The following LIPG variants were observed in gnomAD, a reference collection of about 807,000 sequenced individuals.
LIPG encodes the protein lipase G, endothelial type.
A neutral mutation model predicts 51.8 loss-of-function variants in LIPG; 34 were observed. That is an observed-to-expected ratio of 0.66 (90% CI 0.50 to 0.87). The LOEUF is 0.87. LIPG is among the 40% of genes least tolerant of loss of function. LIPG has a pLI of 0.00. For synonymous variants in LIPG, 246 were observed against 246.1 expected (o/e 1.00, Z 0.00); for missense variants, 580 against 652.7 (o/e 0.89, Z 1.21).
intron 5 of LIPG, among the ~76,000 whole-genome samples, chr18:49,578,875 G>A (rs2084766206): frequency 7.4e-6 from 1 of 134,806 alleles, no homozygotes; most frequent in Non-Finnish European, 1.6e-5. Context: ...AGTCAGGCGT[G>A]GTGGCGCGTG....
In LIPG at chr18:49,595,048, C is replaced by T. The variant is rs2084974737; in HGVS notation, c.*4526C>T. 6.6e-6 allele frequency: 1 copy of T among 152,214 alleles called. No individual in the cohort carries two copies. Among genetic ancestry groups the T allele is most frequent in the South Asian group, 2.1e-4 (1 of 4,834 alleles). The allele number at this position is 152,214 out of a possible 1,614,324, so 9.4% of individuals were successfully genotyped here. A position where few individuals can be genotyped will look rare whatever the true frequency, so the allele number is the denominator to read the frequency against. On this transcript the variant is annotated 3_prime_UTR_variant, in exon 10 of 10. Coordinates refer to ENST00000261292, the MANE Select transcript of LIPG (RefSeq NM_006033.4). ...CCAAACAAGCTGAAGCCCCAGACCC[C>T]TTGGAAGGATGGATACAAAGTAGGT...
intron 4 of LIPG, among the ~76,000 whole-genome samples, chr18:49,573,286 T>C (rs555075650): frequency 2.8e-4 from 42 of 152,340 alleles, no homozygotes; most frequent in Non-Finnish European, 4.4e-4. Flanking sequence ...CTGCGGTCCT[T>C]GCGGCCTCTG....
At chr18:49,578,636 G>A (rs1287325272) in intron 5 of LIPG, among the ~76,000 whole-genome samples, 1 of 151,168 alleles carries the variant, frequency 6.6e-6, no homozygotes, top group Admixed American at 6.6e-5. Context: ...CCGGGCAGAG[G>A]CTGCAATCTC....
intron 4 of LIPG, among the ~76,000 whole-genome samples, chr18:49,571,634 G>A (rs2084664788): frequency 1.3e-5 from 2 of 152,178 alleles, no homozygotes; most frequent in Admixed American, 1.3e-4. Context: ...TGATGGGGGA[G>A]GCTGCGTCCT....
At position 49,581,596 on chromosome 18, in the gene LIPG, A is replaced by C; in HGVS notation, c.975A>C (p.Lys325Asn). 1 of 1,614,184 alleles carries C rather than the reference A, an allele frequency of 6.2e-7. No homozygotes were observed. Among genetic ancestry groups the C allele is most frequent in the Non-Finnish European group, 8.5e-7 (1 of 1,180,034 alleles). Reference protein sequence around the residue: ...RCNSIGYNAKKMRNKRNSKMY... With the variant: ...RCNSIGYNAKNMRNKRNSKMY... ...ATAGCATTGGCTACAATGCCAAGAAAATGAGGAACAAGAGGAACAGCAAAA... is the reference window on the plus strand; with the variant it reads ...ATAGCATTGGCTACAATGCCAAGAACATGAGGAACAAGAGGAACAGCAAAA... Residue 325 changes from lysine (K) to asparagine (N), a missense_variant, in exon 6 of 10, where the codon AAA becomes AAC. Coordinates refer to ENST00000261292, the MANE Select transcript of LIPG (RefSeq NM_006033.4).
In LIPG at chr18:49,596,844, C is replaced by T. The variant is rs2084985593; in HGVS notation, c.*6322C>T. On this transcript the variant is annotated 3_prime_UTR_variant, in exon 10 of 10. Transcript: ENST00000261292. The stretch of plus-strand genomic sequence containing the variant: ...CCCCCCCTCATATCCCTCAAGTGCT[C>T]CATTTTCCAAATGCATTTGACTTCC... The T allele has an allele frequency of 1.3e-5, 2 of 151,882 alleles. No homozygotes were observed. Among genetic ancestry groups the T allele is most frequent in the Non-Finnish European group, 2.9e-5 (2 of 68,016 alleles). The allele number at this position is 151,882 out of a possible 1,614,324, so 9.4% of individuals were successfully genotyped here.
rs889664994 is a variant in LIPG at position 49,573,822 on chromosome 18, G to A, written c.572-1547G>A. On this transcript the variant is annotated intron_variant, in intron 4 of 9. Transcript: ENST00000261292. ...TGTCCTCCTTTCAGGACTCTTGTTG[G>A]TCACATCTCCTCCCAGCCTTGGTGT... Among the ~76,000 whole-genome samples, 12 of 152,174 alleles carry A rather than the reference G, an allele frequency of 7.9e-5. No individual in the cohort carries two copies. In the East Asian group the frequency reaches 2.3e-3, roughly 29 times the overall value.
chr18:49,568,053 G>A (rs1324204431), intron 3 of LIPG, among the ~76,000 whole-genome samples: 1 of 152,090 alleles, frequency 6.6e-6, no homozygotes, highest in Non-Finnish European at 1.5e-5. Flanking sequence ...TCTTTGAGAT[G>A]GAGTCTTGTT....
At chr18:49,566,238 CA>C (rs2084605504) in intron 2 of LIPG, among the ~76,000 whole-genome samples, 1 of 152,166 alleles carries the variant, frequency 6.6e-6, no homozygotes, top group South Asian at 2.1e-4. Context: ...TGGTTGAGGT[CA>C]GGGGCAGGAG....
At position 49,569,343 on chromosome 18, in the gene LIPG, C is replaced by T; in HGVS notation, c.460-94C>T. The T allele has an allele frequency of 2.9e-6, 3 of 1,044,604 alleles. No homozygotes were observed. The South Asian group carries it at 4.0e-5, about 14-fold the overall frequency. 64.7% of individuals were successfully genotyped at this position (1,044,604 alleles called of 1,614,324 possible). On this transcript the variant is annotated intron_variant, in intron 3 of 9. Coordinates refer to ENST00000261292, the MANE Select transcript of LIPG (RefSeq NM_006033.4). ...CTCTGTGCCCACGGCCCCTGCATCTCCTCCTGCTCCGTGACTGAGTTGTTG... is the reference window on the plus strand; with the variant it reads ...CTCTGTGCCCACGGCCCCTGCATCTTCTCCTGCTCCGTGACTGAGTTGTTG...
In LIPG at chr18:49,590,875, G is replaced by A. The variant is rs1195591687; in HGVS notation, c.*353G>A. 12 of 382,496 alleles carry A rather than the reference G, an allele frequency of 3.1e-5. No individual in the cohort carries two copies. Among genetic ancestry groups the A allele is most frequent in the East Asian group, 1.1e-4 (2 of 17,420 alleles). The allele number at this position is 382,496 out of a possible 1,614,324, so 23.7% of individuals were successfully genotyped here. ...GCCTGTACTCTGCCTGACGAGGAAC[G>A]CTGGCTCCGAAGAGGCCCTGTGTAG... On this transcript the variant is annotated 3_prime_UTR_variant, in exon 10 of 10. Transcript: ENST00000261292.
Position 49,570,215 on chromosome 18 carries a change from G to A in LIPG, c.571+667G>A, listed in dbSNP as rs186386344. ...GAACCTTTCTGATATTGGTCCCCAG[G>A]GGGTCAACAGAAAATTGAATTTTCC... On this transcript the variant is annotated intron_variant, in intron 4 of 9. Coordinates refer to ENST00000261292, the MANE Select transcript of LIPG (RefSeq NM_006033.4). 2.4e-3 allele frequency among the ~76,000 whole-genome samples: 365 copies of A among 152,240 alleles called. 4 individuals carry two copies. Among genetic ancestry groups the A allele is most frequent in the Admixed American group, 0.02 (313 of 15,298 alleles).
intron 5 of LIPG, among the ~76,000 whole-genome samples, chr18:49,578,238 C>T (rs1299177274): frequency 2.1e-5 from 3 of 145,618 alleles, no homozygotes; most frequent in Non-Finnish European, 4.5e-5. Flanking sequence ...GGGCGGCTGC[C>T]GGGCGGAGGG....
At chr18:49,581,391 G>T (rs2143966653) in intron 5 of LIPG, 24 bp from the exon 6 acceptor site, 1 of 1,614,170 alleles carries the variant, frequency 6.2e-7, no homozygotes, top group Non-Finnish European at 8.5e-7. Context: ...CATCCTGCAT[G>T]CTTTTTATCT....
rs888890392 is a variant in LIPG, at chr18:49,598,653, A to G, written c.*8131A>G. 3.9e-5 allele frequency: 6 copies of G among 152,160 alleles called. No homozygotes were observed. Among genetic ancestry groups the G allele is most frequent in the African/African-American group, 1.4e-4 (6 of 41,426 alleles). The allele number at this position is 152,160 out of a possible 1,614,324, so 9.4% of individuals were successfully genotyped here. A position where few individuals can be genotyped will look rare whatever the true frequency, so the allele number is the denominator to read the frequency against. On this transcript the variant is annotated 3_prime_UTR_variant, in exon 10 of 10. Coordinates refer to ENST00000261292, the MANE Select transcript of LIPG (RefSeq NM_006033.4). The stretch of plus-strand genomic sequence containing the variant: ...AATAAACTGCACACAGGTAAATCAT[A>G]TAATTTGACATTTTGGTACAGGAAA...
At position 49,567,378 on chromosome 18, in the gene LIPG, A is replaced by G; in HGVS notation, c.280-64A>G. 4 of 1,514,446 alleles carry G rather than the reference A, an allele frequency of 2.6e-6. No homozygotes were observed. In the South Asian group the frequency reaches 3.5e-5, roughly 13 times the overall value. The allele number at this position is 1,514,446 out of a possible 1,614,324, so 93.8% of individuals were successfully genotyped here. A position where few individuals can be genotyped will look rare whatever the true frequency, so the allele number is the denominator to read the frequency against. On this transcript the variant is annotated intron_variant, in intron 2 of 9. Coordinates refer to ENST00000261292, the MANE Select transcript of LIPG (RefSeq NM_006033.4). ...TTGGGAAGAGGGTCATATAGAAAGG[A>G]ATTCCATATTTTTTAGGATTTCTGA...
chr18:49,568,595 A>C (rs1014691550), intron 3 of LIPG, among the ~76,000 whole-genome samples: 1 of 151,196 alleles, frequency 6.6e-6, no homozygotes, highest in African/African-American at 2.4e-5. Context: ...TGGCCAGACT[A>C]GTTTCTAACT....
chr18:49,584,000 C>T (rs1288212881), intron 8 of LIPG, among the ~76,000 whole-genome samples: 1 of 152,274 alleles, frequency 6.6e-6, no homozygotes, highest in South Asian at 2.1e-4. Flanking sequence ...GACGGGTGGG[C>T]CAGTGGAGGC....
Position 49,594,744 on chromosome 18 carries a change from T to A in LIPG, c.*4222T>A, listed in dbSNP as rs1364856320. On this transcript the variant is annotated 3_prime_UTR_variant, in exon 10 of 10. Transcript: ENST00000261292. ...GGAAGCTCTTTATAAAGGGCTTTAGTGATGGTGGAAACTCCACTGTCCATC... is the reference window on the plus strand; with the variant it reads ...GGAAGCTCTTTATAAAGGGCTTTAGAGATGGTGGAAACTCCACTGTCCATC... The A allele has an allele frequency of 2.6e-5, 4 of 152,248 alleles. No homozygotes were observed. The highest frequency in any genetic ancestry group is 7.2e-5 in the African/African-American group (3 of 41,466). The allele number at this position is 152,248 out of a possible 1,614,324, so 9.4% of individuals were successfully genotyped here. A position where few individuals can be genotyped will look rare whatever the true frequency, so the allele number is the denominator to read the frequency against.
Sources: allele counts gnomAD v4.1 joint callset (sites outside exome capture counted in the v4.1 genomes callset), GRCh38; gene constraint gnomAD v4.1.1; transcripts MANE v1.5; gene names NCBI Gene and HGNC (gene_info 2026-07-23, HGNC 2026-07-21).